ZCCHC7: variants seen among roughly 807,000 people sequenced by gnomAD.
ZCCHC7 encodes zinc finger CCHC-type containing 7.
Under a neutral mutation model 52.0 loss-of-function variants are expected in ZCCHC7, and 35 were observed. That is an observed-to-expected ratio of 0.67 (90% CI 0.51 to 0.89). The LOEUF is 0.89. Among genes scored for constraint, ZCCHC7 ranks in the 40% least tolerant of loss-of-function variants. The pLI is 0.00. For missense variants in ZCCHC7, 574 were observed against 649.1 expected (o/e 0.88, Z 1.26); for synonymous variants, 217 against 221.5 (o/e 0.98, Z 0.18).
At chr9:37,184,392 C>CAA (rs34335465) in intron 2 of ZCCHC7, among the ~76,000 whole-genome samples, 84 of 121,332 alleles carry the variant, frequency 6.9e-4, no homozygotes, top group African/African-American at 1.8e-3. Flanking sequence ...TGGCTTGCAT[C>CAA]AAAAAAAAAA....
chr9:37,136,666 T>C (rs1843010585), intron 2 of ZCCHC7, among the ~76,000 whole-genome samples: 1 of 152,176 alleles, frequency 6.6e-6, no homozygotes, highest in South Asian at 2.1e-4. Context: ...ATTTTGCCCA[T>C]GTTCACCATG....
In ZCCHC7 at chr9:37,288,293, AATCT is replaced by A. The variant is rs1246778353; in HGVS notation, c.611-13880_611-13877del. Among the ~76,000 whole-genome samples, 22 of 150,954 alleles carry A rather than the reference AATCT, an allele frequency of 1.5e-4. No individual in the cohort carries two copies. The South Asian group carries it at 4.4e-3, about 30-fold the overall frequency. On this transcript the variant is annotated intron_variant, in intron 2 of 8. Coordinates refer to ENST00000336755, the MANE Select transcript of ZCCHC7 (RefSeq NM_032226.3). The stretch of plus-strand genomic sequence containing the variant: ...AGACCTTGTCTCAAAAAAAAAAAAA[AATCT>A]ATCTATCTATCTATATAGATAGATA...
chr9:37,174,783 A>C (rs1821926377), intron 2 of ZCCHC7, among the ~76,000 whole-genome samples: 3 of 152,154 alleles, frequency 2.0e-5, no homozygotes, highest in Non-Finnish European at 4.4e-5. Context: ...AATTACTTTT[A>C]CTAAGTGTCT....
intron 2 of ZCCHC7, among the ~76,000 whole-genome samples, chr9:37,137,363 G>T (rs926929824): frequency 6.6e-6 from 1 of 152,170 alleles, no homozygotes; most frequent in South Asian, 2.1e-4. Flanking sequence ...TGAAGTTCAG[G>T]TTAAATGCAG....
chr9:37,303,967 C>T (rs1288081557), intron 3 of ZCCHC7, among the ~76,000 whole-genome samples: 5 of 152,088 alleles, frequency 3.3e-5, no homozygotes, highest in Admixed American at 1.3e-4. Context: ...CCAACCTCTA[C>T]CTCTTTTTAA....
At chr9:37,143,414 A>C (rs1479093302) in intron 2 of ZCCHC7, among the ~76,000 whole-genome samples, 1 of 151,520 alleles carries the variant, frequency 6.6e-6, no homozygotes, top group Non-Finnish European at 1.5e-5. Flanking sequence ...GCTCTGCATT[A>C]GAGTTTTAAA....
At chr9:37,248,534 G>A (rs984829262) in intron 2 of ZCCHC7, among the ~76,000 whole-genome samples, 2 of 152,096 alleles carry the variant, frequency 1.3e-5, no homozygotes, top group Non-Finnish European at 2.9e-5. Context: ...TTGTTTGGGA[G>A]CCAGGGATCT....
chr9:37,171,459 C>T (rs1191240623), intron 2 of ZCCHC7, among the ~76,000 whole-genome samples: 1 of 152,164 alleles, frequency 6.6e-6, no homozygotes, highest in African/African-American at 2.4e-5. Context: ...GGTTAAGATA[C>T]AGGCGGAAGT....
At chr9:37,286,563 T>G (rs193271330) in intron 2 of ZCCHC7, among the ~76,000 whole-genome samples, 34 of 151,768 alleles carry the variant, frequency 2.2e-4, no homozygotes, top group Admixed American at 7.9e-4. Context: ...CACAAGAATT[T>G]GCTTGAGTCC....
chr9:37,283,423 A>G (rs1023068648), intron 2 of ZCCHC7, among the ~76,000 whole-genome samples: 5 of 152,114 alleles, frequency 3.3e-5, no homozygotes, highest in African/African-American at 9.7e-5. Context: ...AAGTACTCCT[A>G]TTGTTTGAAA....
At chr9:37,164,257 A>G (rs143724882) in intron 2 of ZCCHC7, among the ~76,000 whole-genome samples, 5,494 of 152,034 alleles carry the variant, frequency 0.036, 305 homozygotes, top group African/African-American at 0.12. Flanking sequence ...GCCTGGCCAA[A>G]ATGGCAAAAC....
At chr9:37,291,666 T>TTTTTTG (rs1025705664) in intron 2 of ZCCHC7, among the ~76,000 whole-genome samples, 4 of 152,100 alleles carry the variant, frequency 2.6e-5, no homozygotes, top group Non-Finnish European at 4.4e-5. Context: ...GTTTTACAGT[T>TTTTTTG]TTTTTGTTTT....
At chr9:37,139,714 G>A (rs987367468) in intron 2 of ZCCHC7, among the ~76,000 whole-genome samples, 5 of 151,726 alleles carry the variant, frequency 3.3e-5, no homozygotes, top group South Asian at 4.1e-4. Context: ...CCCCTCCCTC[G>A]CTTTTGCTTA....
At chr9:37,270,804 T>TTA (rs1554721953) in intron 2 of ZCCHC7, among the ~76,000 whole-genome samples, 27 of 146,622 alleles carry the variant, frequency 1.8e-4, no homozygotes, top group Admixed American at 4.7e-4. Flanking sequence ...TTTCCAGCAA[T>TTA]AATAAAAAAA....
At position 37,126,811 on chromosome 9, in the gene ZCCHC7, G is replaced by A. The variant is rs752832951; in HGVS notation, c.479G>A (p.Ser160Asn). ...REVMIIEVSSSEEEESTISEG... is the reference protein window; with the variant it reads ...REVMIIEVSSNEEEESTISEG... ...GTCATGATTATAGAGGTCAGTTCAA[G>A]TGAAGAGGAAGAGAGCACCATTTCA... Residue 160 changes from serine to asparagine, a missense_variant, in exon 2 of 9, where the codon AGT becomes AAT. This residue lies in a region of ZCCHC7 where 403 missense variants were observed against 461.2 expected (regional missense o/e 0.87). Transcript: ENST00000336755. The A allele has an allele frequency of 3.2e-5, 51 of 1,614,084 alleles. No individual in the cohort carries two copies. The South Asian group carries it at 5.6e-4, about 18-fold the overall frequency.
chr9:37,280,686 C>CTTTTTTTTTTT (rs925072499), intron 2 of ZCCHC7, among the ~76,000 whole-genome samples: 1 of 151,048 alleles, frequency 6.6e-6, no homozygotes. Flanking sequence ...ATTCATTAAA[C>CTTTTTTTTTTT]TTTTTTTTGT....
intron 2 of ZCCHC7, among the ~76,000 whole-genome samples, chr9:37,214,487 A>T (rs1564183636): frequency 6.6e-6 from 1 of 151,958 alleles, no homozygotes; most frequent in African/African-American, 2.4e-5. Context: ...TATTCAGGGT[A>T]TTTTTAATGT....
At chr9:37,124,094 AT>A (rs1842440019) in intron 1 of ZCCHC7, among the ~76,000 whole-genome samples, 1 of 152,154 alleles carries the variant, frequency 6.6e-6, no homozygotes. Context: ...ACACCCTGGT[AT>A]TTTTGGGCAG....
intron 2 of ZCCHC7, among the ~76,000 whole-genome samples, chr9:37,198,503 G>A (rs1160948915): frequency 6.6e-6 from 1 of 152,166 alleles, no homozygotes; most frequent in Non-Finnish European, 1.5e-5. Context: ...AGCCTACTTT[G>A]TGGTCACTTT....
Sources: allele counts gnomAD v4.1 joint callset (sites outside exome capture counted in the v4.1 genomes callset), GRCh38; gene constraint gnomAD v4.1.1; regional missense constraint gnomAD v4.1.1; transcripts MANE v1.5; gene names NCBI Gene and HGNC (gene_info 2026-07-23, HGNC 2026-07-21).